Variants in ASIC2 observed in about 807,000 individuals in gnomAD.
ASIC2 encodes the protein acid-sensing ion channel 2.
Under a neutral mutation model 57.3 loss-of-function variants are expected in ASIC2, and 25 were observed. The ratio of observed to expected loss-of-function variants is 0.44; its 90% CI spans 0.32 to 0.61. The LOEUF (loss-of-function observed/expected upper bound fraction) is 0.61. ASIC2 is among the 20% of genes least tolerant of loss of function. The pLI is 0.06. For synonymous variants in ASIC2, 319 were observed against 307.5 expected, an observed-to-expected ratio of 1.04 and a Z score of -0.39; for missense variants, 641 against 738.1, an observed-to-expected ratio of 0.87 and a Z score of 1.52.
chr17:33,135,251 C>T (rs1209197396), intron 1 of ASIC2, among the ~76,000 whole-genome samples: 2 of 152,130 alleles, frequency 1.3e-5, no homozygotes, highest in Non-Finnish European at 2.9e-5. Flanking sequence ...TCCCTCCATG[C>T]CTTTGCCACT....
chr17:33,542,815 C>T (rs1250919875), intron 1 of ASIC2, among the ~76,000 whole-genome samples: 2 of 146,584 alleles, frequency 1.4e-5, no homozygotes, highest in African/African-American at 2.5e-5. Flanking sequence ...ACATGAAGTC[C>T]TTGCCCATGC....
intron 2 of ASIC2, among the ~76,000 whole-genome samples, chr17:33,110,585 T>G (rs1175270706): frequency 6.6e-6 from 1 of 152,054 alleles, no homozygotes; most frequent in East Asian, 1.9e-4. Flanking sequence ...GGACTGGCTG[T>G]GATGGGAGGT....
At chr17:33,645,824 A>C (rs1906721729) in intron 1 of ASIC2, among the ~76,000 whole-genome samples, 1 of 152,134 alleles carries the variant, frequency 6.6e-6, no homozygotes, top group South Asian at 2.1e-4. Flanking sequence ...CAGTCCTTGC[A>C]GGGATAGTGG....
intron 1 of ASIC2, among the ~76,000 whole-genome samples, chr17:33,856,755 C>T (rs559789622): frequency 6.6e-6 from 1 of 152,198 alleles, no homozygotes; most frequent in African/African-American, 2.4e-5. Flanking sequence ...GAGGTCATAG[C>T]ACTAACAAAG....
chr17:33,735,060 T>C (rs1355628311), intron 1 of ASIC2, among the ~76,000 whole-genome samples: 1 of 152,194 alleles, frequency 6.6e-6, no homozygotes, highest in East Asian at 1.9e-4. Flanking sequence ...GAGATCCCTG[T>C]ATGATTCTCT....
chr17:33,687,853 A>G (rs928624902), intron 1 of ASIC2, among the ~76,000 whole-genome samples: 1 of 152,214 alleles, frequency 6.6e-6, no homozygotes, highest in Non-Finnish European at 1.5e-5. Flanking sequence ...ATCTGGTTAG[A>G]GGAGAAGCCA....
chr17:33,175,501 G>T (rs1484050965), intron 1 of ASIC2, among the ~76,000 whole-genome samples: 1 of 146,914 alleles, frequency 6.8e-6, no homozygotes, highest in Admixed American at 6.9e-5. Context: ...GAGAAAAAAA[G>T]GATTCACAAA....
chr17:33,720,012 C>T (rs1436135988), intron 1 of ASIC2, among the ~76,000 whole-genome samples: 1 of 152,120 alleles, frequency 6.6e-6, no homozygotes, highest in South Asian at 2.1e-4. Context: ...CCCTGAGTAT[C>T]GGGGAATACA....
chr17:33,418,609 C>A (rs945304537), intron 1 of ASIC2, among the ~76,000 whole-genome samples: 3 of 152,130 alleles, frequency 2.0e-5, no homozygotes, highest in Non-Finnish European at 4.4e-5. Context: ...TTCCCAACAC[C>A]ATTTATTAAA....
At chr17:33,312,900 C>T (rs1210658261) in intron 1 of ASIC2, among the ~76,000 whole-genome samples, 1 of 152,182 alleles carries the variant, frequency 6.6e-6, no homozygotes, top group Admixed American at 6.5e-5. Context: ...TGCACCATTG[C>T]ACTCCAGGCT....
intron 3 of ASIC2, among the ~76,000 whole-genome samples, chr17:33,050,719 A>G (rs373524938): frequency 1.4e-4 from 21 of 152,282 alleles, no homozygotes; most frequent in African/African-American, 4.6e-4. Flanking sequence ...TCAAAGAGGA[A>G]CAAATAACCT....
intron 1 of ASIC2, among the ~76,000 whole-genome samples, chr17:33,285,231 G>T (rs1905099891): frequency 6.6e-6 from 1 of 152,192 alleles, no homozygotes; most frequent in Non-Finnish European, 1.5e-5. Flanking sequence ...TCCTGATGTT[G>T]GTCATTTTGG....
chr17:33,311,139 AC>A (rs1328996746), intron 1 of ASIC2, among the ~76,000 whole-genome samples: 2 of 152,190 alleles, frequency 1.3e-5, no homozygotes, highest in African/African-American at 4.8e-5. Flanking sequence ...TTAGTTGGGC[AC>A]CTGCTGTGTG....
chr17:33,681,818 C>G (rs1174275673), intron 1 of ASIC2, among the ~76,000 whole-genome samples: 3 of 152,188 alleles, frequency 2.0e-5, no homozygotes, highest in Admixed American at 2.0e-4. Flanking sequence ...AATTCACTGT[C>G]CTCTGTCCCC....
At chr17:33,350,687 A>AAAAGAAAGAAAGAAAGAAAG (rs55667206) in intron 1 of ASIC2, among the ~76,000 whole-genome samples, 2,066 of 145,656 alleles carry the variant, frequency 0.014, 73 homozygotes, top group African/African-American at 0.049. Flanking sequence ...GTGAGAAAAA[A>AAAAGAAAGAAAGAAAGAAAG]AAAGAAAGAA....
intron 1 of ASIC2, among the ~76,000 whole-genome samples, chr17:33,940,651 G>C (rs1916169152): frequency 6.6e-6 from 1 of 152,110 alleles, no homozygotes; most frequent in Non-Finnish European, 1.5e-5. Context: ...ATAGTTCCTG[G>C]CTTCCCAGAG....
intron 1 of ASIC2, among the ~76,000 whole-genome samples, chr17:33,660,144 G>T (rs1236041174): frequency 3.3e-5 from 5 of 151,842 alleles, no homozygotes; most frequent in Non-Finnish European, 7.4e-5. Flanking sequence ...ATTGGATCTC[G>T]CAGGACTAGA....
intron 1 of ASIC2, among the ~76,000 whole-genome samples, chr17:33,746,297 C>A: frequency 6.7e-6 from 1 of 148,424 alleles, no homozygotes. Context: ...TACATATACA[C>A]GTATGTATAT....
intron 1 of ASIC2, among the ~76,000 whole-genome samples, chr17:33,846,024 G>A (rs549567566): frequency 3.3e-5 from 5 of 152,180 alleles, no homozygotes; most frequent in African/African-American, 9.7e-5. Flanking sequence ...CCACATAGTC[G>A]TTTTCTGAAC....
Sources: gnomAD v4.1 joint callset for allele counts (sites outside exome capture counted in the v4.1 genomes callset) on GRCh38, gnomAD v4.1.1 for gene constraint, MANE v1.5 for transcripts, NCBI Gene and HGNC (gene_info 2026-07-23, HGNC 2026-07-21) for gene names.